LRMDA: variants seen among roughly 807,000 people sequenced by gnomAD.
The protein encoded by LRMDA is leucine-rich melanocyte differentiation-associated protein.
In LRMDA, 18 loss-of-function variants were observed where a neutral mutation model predicts 29.8. The ratio of observed to expected loss-of-function variants is 0.60; its 90% CI spans 0.42 to 0.90. The LOEUF (loss-of-function observed/expected upper bound fraction) is 0.90. Among genes scored for constraint, LRMDA ranks in the 40% least tolerant of loss-of-function variants. The pLI, the probability that LRMDA is intolerant of heterozygous loss-of-function variation, is 0.00. For missense variants in LRMDA, 273 were observed against 273.9 expected (o/e 1.00, Z 0.02); for synonymous variants, 125 against 109.4 (o/e 1.14, Z -0.89).
intron 5 of LRMDA, among the ~76,000 whole-genome samples, chr10:76,202,316 A>G (rs1470216117): frequency 6.6e-6 from 1 of 152,170 alleles, no homozygotes; most frequent in African/African-American, 2.4e-5. Flanking sequence ...GTGAAGTTCT[A>G]ATGCCCTGAA....
At chr10:76,347,144 T>C (rs1017681718) in intron 6 of LRMDA, among the ~76,000 whole-genome samples, 1 of 152,186 alleles carries the variant, frequency 6.6e-6, no homozygotes, top group African/African-American at 2.4e-5. Flanking sequence ...TTCTTGCATA[T>C]CCCCTTTATT....
At chr10:76,298,458 AG>A (rs766435394) in intron 5 of LRMDA, among the ~76,000 whole-genome samples, 39 of 152,148 alleles carry the variant, frequency 2.6e-4, no homozygotes, top group Non-Finnish European at 3.7e-4. Flanking sequence ...GCCTGTGCAA[AG>A]GGCCTTCTGT....
chr10:75,750,097 C>G (rs902800438), intron 2 of LRMDA, among the ~76,000 whole-genome samples: 3 of 152,178 alleles, frequency 2.0e-5, no homozygotes, highest in African/African-American at 7.2e-5. Context: ...TTCTATTCGA[C>G]AAAACCACCA....
At chr10:75,505,936 TCTC>T (rs758396340) in intron 2 of LRMDA, among the ~76,000 whole-genome samples, 111 of 152,272 alleles carry the variant, frequency 7.3e-4, no homozygotes, top group Admixed American at 1.2e-3. Flanking sequence ...CCATATTAAC[TCTC>T]CTCCTCCATC....
At chr10:75,984,338 C>T (rs533644217) in intron 2 of LRMDA, among the ~76,000 whole-genome samples, 22 of 152,306 alleles carry the variant, frequency 1.4e-4, no homozygotes, top group Admixed American at 6.5e-5. Flanking sequence ...CTCAGGCCTA[C>T]GCAGAGCTTC....
chr10:75,431,802 G>T, intron 1 of LRMDA, 48 bp downstream of exon 1: 1 of 1,314,736 alleles, frequency 7.6e-7, no homozygotes, highest in Non-Finnish European at 9.7e-7. Flanking sequence ...GTCCGCGTGG[G>T]GAGGGACAGC....
At chr10:76,038,837 A>C (rs1021249340) in intron 3 of LRMDA, among the ~76,000 whole-genome samples, 7 of 152,214 alleles carry the variant, frequency 4.6e-5, no homozygotes, top group African/African-American at 1.4e-4. Context: ...GGCTTAAAAC[A>C]ACAAATATTT....
At chr10:76,218,688 T>G (rs961155095) in intron 5 of LRMDA, among the ~76,000 whole-genome samples, 1 of 151,880 alleles carries the variant, frequency 6.6e-6, no homozygotes, top group African/African-American at 2.4e-5. Flanking sequence ...ACCTGGGAGG[T>G]GTGTAGGCCC....
chr10:76,046,069 T>G (rs764222247), intron 3 of LRMDA, among the ~76,000 whole-genome samples: 1 of 152,318 alleles, frequency 6.6e-6, no homozygotes, highest in East Asian at 1.9e-4. Flanking sequence ...TCTACCCTTG[T>G]ATGTTTTGTT....
chr10:76,475,042 T>A (rs568324000), intron 6 of LRMDA, among the ~76,000 whole-genome samples: 1 of 151,862 alleles, frequency 6.6e-6, no homozygotes, highest in East Asian at 1.9e-4. Flanking sequence ...AGAAATGAAG[T>A]ACTGATATAT....
At position 75,470,974 on chromosome 10, in the gene LRMDA, G is replaced by A. The variant is rs552250037; in HGVS notation, c.131+32480G>A. On this transcript the variant is annotated intron_variant, in intron 2 of 6. Transcript: ENST00000611255. ...AGCCCTGGCCCAGCACATGTGCTTG[G>A]TGCAGAGCTGCTGCTGACCTCCCTC... Among the ~76,000 whole-genome samples the A allele has an allele frequency of 3.3e-5, 5 of 152,288 alleles. No individual in the cohort carries two copies. In the East Asian group the frequency reaches 9.7e-4, roughly 29 times the overall value.
At chr10:75,880,384 ACT>A (rs764957383) in intron 2 of LRMDA, among the ~76,000 whole-genome samples, 22 of 152,218 alleles carry the variant, frequency 1.4e-4, no homozygotes, top group Admixed American at 3.3e-4. Context: ...ATTGCTAATA[ACT>A]CAATTAAAAT....
intron 2 of LRMDA, among the ~76,000 whole-genome samples, chr10:75,928,294 T>TC (rs1335850166): frequency 6.6e-6 from 1 of 150,754 alleles, no homozygotes; most frequent in Non-Finnish European, 1.5e-5. Flanking sequence ...TGGGTTTTTT[T>TC]TTTTACACTT....
chr10:75,606,326 T>C (rs1840956257), intron 2 of LRMDA, among the ~76,000 whole-genome samples: 1 of 152,200 alleles, frequency 6.6e-6, no homozygotes, highest in Non-Finnish European at 1.5e-5. Context: ...CTGAATTTCT[T>C]CTCTGTTGAT....
chr10:75,737,067 A>G (rs1438489003), intron 2 of LRMDA, among the ~76,000 whole-genome samples: 1 of 151,688 alleles, frequency 6.6e-6, no homozygotes, highest in Admixed American at 6.6e-5. Flanking sequence ...GCACGCACAC[A>G]CACACACACA....
At chr10:76,217,843 G>C (rs1281924890) in intron 5 of LRMDA, among the ~76,000 whole-genome samples, 1 of 152,100 alleles carries the variant, frequency 6.6e-6, no homozygotes, top group Non-Finnish European at 1.5e-5. Context: ...TTTGTCACCT[G>C]TTCCTGTAGG....
chr10:75,995,948 T>C (rs997133503), intron 2 of LRMDA, among the ~76,000 whole-genome samples: 3 of 152,154 alleles, frequency 2.0e-5, no homozygotes, highest in African/African-American at 4.8e-5. Context: ...ATAAAATAAT[T>C]AAGTTTTAGA....
intron 2 of LRMDA, among the ~76,000 whole-genome samples, chr10:75,497,461 A>T (rs1037666945): frequency 3.4e-5 from 5 of 145,674 alleles, no homozygotes; most frequent in African/African-American, 1.0e-4. Flanking sequence ...AGAGTTCGAT[A>T]TTTTTTTTTT....
At chr10:75,602,195 C>A (rs534981484) in intron 2 of LRMDA, among the ~76,000 whole-genome samples, 2 of 151,912 alleles carry the variant, frequency 1.3e-5, no homozygotes, top group East Asian at 3.9e-4. Context: ...AATAACCCCC[C>A]CCAAATATTC....
Sources: gnomAD v4.1 joint callset for allele counts (sites outside exome capture counted in the v4.1 genomes callset) on GRCh38, gnomAD v4.1.1 for gene constraint, MANE v1.5 for transcripts, NCBI Gene and HGNC (gene_info 2026-07-23, HGNC 2026-07-21) for gene names.